Variants in MSRA observed in about 807,000 individuals in gnomAD.
MSRA encodes methionine sulfoxide reductase A.
Under a neutral mutation model 31.3 loss-of-function variants are expected in MSRA, and 54 were observed. The ratio of observed to expected loss-of-function variants is 1.73; its 90% CI spans 1.39 to 2.17. MSRA has a LOEUF of 2.17. MSRA is among the 30% of genes most tolerant of loss of function. The pLI is 0.00. For synonymous variants in MSRA, 169 were observed against 116.5 expected, an observed-to-expected ratio of 1.45 and a Z score of -2.90; for missense variants, 507 against 300.9, an observed-to-expected ratio of 1.69 and a Z score of -5.07.
At chr8:10,172,558 A>G (rs1474141180) in intron 1 of MSRA, among the ~76,000 whole-genome samples, 1 of 152,144 alleles carries the variant, frequency 6.6e-6, no homozygotes, top group Non-Finnish European at 1.5e-5. Context: ...TAGACCAGTA[A>G]TGGAGGGAAT....
At chr8:10,102,353 C>T (rs1187442288) in intron 1 of MSRA, among the ~76,000 whole-genome samples, 3 of 152,154 alleles carry the variant, frequency 2.0e-5, no homozygotes, top group African/African-American at 7.2e-5. Context: ...ATTCAGATTG[C>T]ATAATTTCTA....
chr8:10,128,787 G>A (rs1045740604), intron 1 of MSRA, among the ~76,000 whole-genome samples: 3 of 152,178 alleles, frequency 2.0e-5, no homozygotes, highest in Non-Finnish European at 4.4e-5. Flanking sequence ...TACTCTTCAT[G>A]ACCTCATCTA....
chr8:10,426,262 A>G (rs1304930729), intron 5 of MSRA, among the ~76,000 whole-genome samples: 1 of 152,182 alleles, frequency 6.6e-6, no homozygotes, highest in Non-Finnish European at 1.5e-5. Flanking sequence ...GGGCCCGGTC[A>G]TGGAAACAGA....
intron 2 of MSRA, among the ~76,000 whole-genome samples, chr8:10,234,833 G>A (rs1295030344): frequency 6.6e-6 from 1 of 151,968 alleles, no homozygotes; most frequent in Non-Finnish European, 1.5e-5. Context: ...GACTTTAATA[G>A]CATTAAAAAT....
At chr8:10,258,244 A>T (rs573958238) in intron 3 of MSRA, among the ~76,000 whole-genome samples, 63 of 152,272 alleles carry the variant, frequency 4.1e-4, no homozygotes, top group African/African-American at 1.5e-3. Context: ...TTGAACTCCT[A>T]TGCTGTGTCT....
At chr8:10,089,284 A>G (rs1563421423) in intron 1 of MSRA, among the ~76,000 whole-genome samples, 1 of 152,202 alleles carries the variant, frequency 6.6e-6, no homozygotes, top group Non-Finnish European at 1.5e-5. Context: ...TATTTTTTTA[A>G]AAAGAACAAA....
chr8:10,316,428 A>G (rs1801717213), intron 4 of MSRA, among the ~76,000 whole-genome samples: 1 of 151,996 alleles, frequency 6.6e-6, no homozygotes, highest in Admixed American at 6.6e-5. Flanking sequence ...TGGGTTTACT[A>G]ATATCCTCCA....
intron 3 of MSRA, among the ~76,000 whole-genome samples, chr8:10,288,244 T>C (rs1800042504): frequency 1.3e-5 from 2 of 152,192 alleles, no homozygotes; most frequent in African/African-American, 4.8e-5. Flanking sequence ...CCCAGTCCCC[T>C]TCCATTAAAT....
At chr8:10,389,394 C>T (rs1484969872) in intron 5 of MSRA, among the ~76,000 whole-genome samples, 1 of 152,232 alleles carries the variant, frequency 6.6e-6, no homozygotes, top group Non-Finnish European at 1.5e-5. Flanking sequence ...AACCAAAGTA[C>T]TCGCTTCCCT....
intron 1 of MSRA, among the ~76,000 whole-genome samples, chr8:10,199,828 G>A (rs536375720): frequency 1.3e-5 from 2 of 152,294 alleles, no homozygotes; most frequent in South Asian, 4.1e-4. Context: ...TTGATGAAAT[G>A]GAGTCCTTGA....
chr8:10,156,133 G>A (rs1585050769), intron 1 of MSRA, among the ~76,000 whole-genome samples: 1 of 152,140 alleles, frequency 6.6e-6, no homozygotes, highest in African/African-American at 2.4e-5. Flanking sequence ...GCTAAGTGCA[G>A]GAACTGTTTC....
chr8:10,354,536 G>T (rs994817185), intron 5 of MSRA, among the ~76,000 whole-genome samples: 5 of 152,120 alleles, frequency 3.3e-5, no homozygotes, highest in Non-Finnish European at 7.4e-5. Context: ...ATTTTGGTAT[G>T]TATGCTTCTA....
intron 1 of MSRA, among the ~76,000 whole-genome samples, chr8:10,110,219 C>A (rs752139320): frequency 2.6e-5 from 4 of 152,198 alleles, no homozygotes; most frequent in Non-Finnish European, 5.9e-5. Context: ...GGGTTTGAAA[C>A]AAGAAAGGTT....
intron 3 of MSRA, among the ~76,000 whole-genome samples, chr8:10,245,731 G>T (rs907907232): frequency 2.0e-5 from 3 of 152,216 alleles, no homozygotes; most frequent in African/African-American, 7.2e-5. Flanking sequence ...AATTCACATG[G>T]TGGTGGATGC....
intron 5 of MSRA, among the ~76,000 whole-genome samples, chr8:10,348,085 G>A (rs879841227): frequency 6.6e-6 from 1 of 152,168 alleles, no homozygotes; most frequent in Non-Finnish European, 1.5e-5. Flanking sequence ...ACGTTAAGGT[G>A]GGTTCATCCT....
chr8:10,113,314 T>TTTTTTTTTTTTTTTTTA (rs1444952865), intron 1 of MSRA, among the ~76,000 whole-genome samples: 1 of 125,126 alleles, frequency 8.0e-6, no homozygotes, highest in Non-Finnish European at 1.5e-5. Context: ...TTTTTTTTTT[T>TTTTTTTTTTTTTTTTTA]GGAGGTGTGT....
intron 3 of MSRA, among the ~76,000 whole-genome samples, chr8:10,272,759 A>G (rs1301501387): frequency 6.6e-6 from 1 of 152,222 alleles, no homozygotes; most frequent in East Asian, 1.9e-4. Context: ...TTTTTATTCT[A>G]CGCTGTACAT....
At chr8:10,202,907 TG>T (rs1808628664) in intron 1 of MSRA, among the ~76,000 whole-genome samples, 1 of 152,030 alleles carries the variant, frequency 6.6e-6, no homozygotes, top group Non-Finnish European at 1.5e-5. Context: ...CAAGATCATA[TG>T]GGTAGGAAGT....
At chr8:10,064,642 G>A (rs1797368246) in intron 1 of MSRA, among the ~76,000 whole-genome samples, 1 of 152,190 alleles carries the variant, frequency 6.6e-6, no homozygotes, top group Non-Finnish European at 1.5e-5. Context: ...TTCTTTCAAA[G>A]ATGTTACCAT....
Sources: gnomAD v4.1 joint callset for allele counts (sites outside exome capture counted in the v4.1 genomes callset) on GRCh38, gnomAD v4.1.1 for gene constraint, MANE v1.5 for transcripts, NCBI Gene and HGNC (gene_info 2026-07-23, HGNC 2026-07-21) for gene names.